The following MYO9B variants were observed in gnomAD, a reference collection of about 807,000 sequenced individuals.
MYO9B encodes the protein myosin IXB, also known as unconventional myosin-IXb.
A neutral mutation model predicts 229.5 loss-of-function variants in MYO9B; 71 were observed. The ratio of observed to expected loss-of-function variants is 0.31; its 90% CI spans 0.26 to 0.38. The LOEUF (loss-of-function observed/expected upper bound fraction) is 0.38, where lower values mean the gene tolerates loss of function less well. MYO9B is among the 10% of genes least tolerant of loss of function. The probability of loss-of-function intolerance (pLI) is 1.00; values close to 1 mark genes in which losing one functional copy is unlikely to be tolerated. For synonymous variants in MYO9B, 1,185 were observed against 1,235.8 expected, an observed-to-expected ratio of 0.96 and a Z score of 0.86; for missense variants, 2,255 against 2,920.5, an observed-to-expected ratio of 0.77 and a Z score of 5.25.
intron 22 of MYO9B, among the ~76,000 whole-genome samples, chr19:17,196,332 G>A (rs1366532253): frequency 6.6e-6 from 1 of 152,030 alleles, no homozygotes; most frequent in Non-Finnish European, 1.5e-5. Context: ...TAGAAGACAG[G>A]TAGTAATGAT....
chr19:17,101,646 G>C lies in MYO9B; in HGVS notation c.-58-14G>C, dbSNP rs2057745444. On this transcript the variant is annotated splice_polypyrimidine_tract_variant and intron_variant, in intron 1 of 39. Coordinates refer to ENST00000682292, the MANE Select transcript of MYO9B (RefSeq NM_004145.4). The surrounding 1 kb of genome is among the most constrained non-coding windows in gnomAD (Gnocchi z 4.7). ...CACCATTCTGACCATGCCTGGCTCT[G>C]ACCTCCCTTCTAGCTCCAGGACACG... 6.8e-7 allele frequency: 1 copy of C among 1,469,820 alleles called. No individual in the cohort carries two copies. The highest frequency in any genetic ancestry group is 9.0e-7 in the Non-Finnish European group (1 of 1,114,414). 91.0% of individuals were successfully genotyped at this position (1,469,820 alleles called of 1,614,324 possible).
At chr19:17,094,605 CTTAA>C (rs1051249758) in intron 1 of MYO9B, among the ~76,000 whole-genome samples, 5 of 152,244 alleles carry the variant, frequency 3.3e-5, no homozygotes, top group Admixed American at 6.5e-5. Flanking sequence ...CTTTTTAAAA[CTTAA>C]TTAAGGAAAA....
intron 26 of MYO9B, 85 bp downstream of exon 26, chr19:17,200,914 C>T (rs2073100099): frequency 2.1e-6 from 3 of 1,450,180 alleles, no homozygotes; most frequent in Non-Finnish European, 1.9e-6. Flanking sequence ...CTGAAACACA[C>T]AACACAGGGT....
chr19:17,148,607 G>A (rs942800063), intron 3 of MYO9B, among the ~76,000 whole-genome samples: 3 of 151,952 alleles, frequency 2.0e-5, no homozygotes, highest in South Asian at 2.1e-4. Flanking sequence ...TTTTGGAGAC[G>A]GAATCTCACC....
chr19:17,122,306 AGG>A (rs934112759), intron 2 of MYO9B, among the ~76,000 whole-genome samples: 2 of 152,122 alleles, frequency 1.3e-5, no homozygotes, highest in African/African-American at 4.8e-5. Context: ...TGGGAGTAAG[AGG>A]GGGGCAGATC....
intron 9 of MYO9B, 43 bp downstream of exon 9, chr19:17,162,509 C>A: frequency 6.7e-7 from 1 of 1,489,094 alleles, no homozygotes; most frequent in Non-Finnish European, 9.1e-7. Flanking sequence ...CCAGGGGAGG[C>A]CACATCCTCA....
intron 1 of MYO9B, among the ~76,000 whole-genome samples, chr19:17,100,071 G>A (rs1179423281): frequency 2.0e-5 from 3 of 150,462 alleles, no homozygotes; most frequent in African/African-American, 4.9e-5. Context: ...GCAGTGAGCC[G>A]ACATCATGCC....
chr19:17,170,779 G>A (rs1374155733), intron 11 of MYO9B, among the ~76,000 whole-genome samples: 1 of 145,210 alleles, frequency 6.9e-6, no homozygotes, highest in East Asian at 2.0e-4. Context: ...AGTTGTGATT[G>A]TACCATTGCA....
intron 1 of MYO9B, among the ~76,000 whole-genome samples, chr19:17,096,799 G>A (rs1281861189): frequency 2.0e-5 from 3 of 147,822 alleles, no homozygotes; most frequent in Non-Finnish European, 3.0e-5. Flanking sequence ...TCCGCCTTCC[G>A]GGTTCACGCC....
chr19:17,137,061 CT>C (rs2072279465), intron 2 of MYO9B, among the ~76,000 whole-genome samples: 1 of 152,106 alleles, frequency 6.6e-6, no homozygotes, highest in African/African-American at 2.4e-5. Context: ...GAAACCCCGT[CT>C]CTACTTAAAA....
chr19:17,151,969 C>T (rs554080270), intron 3 of MYO9B, among the ~76,000 whole-genome samples: 4 of 152,216 alleles, frequency 2.6e-5, no homozygotes, highest in South Asian at 2.1e-4. Flanking sequence ...AGGTAGATCA[C>T]CTGAGGTCAG....
rs1243420774 is a variant in MYO9B at position 17,195,160 on chromosome 19, C to A, written c.3733C>A (p.Pro1245Thr). 1.2e-6 allele frequency: 2 copies of A among 1,611,118 alleles called. No individual in the cohort carries two copies. The highest frequency in any genetic ancestry group is 2.7e-5 in the African/African-American group (2 of 74,846). Residue 1245 changes from proline to threonine, a missense_variant, in exon 22 of 40, where the codon CCT (proline) becomes ACT (threonine). Transcript: ENST00000682292. This position sits in a 1 kb window ranked among gnomAD's most constrained non-coding sequence, Gnocchi z 4.5. ...GACGCTGCCCAGTGGGAGCCCCAGG[C>A]CTGGCCAGTTGGAGCGGCCGACCAG... The part of the protein sequence containing the change: ...EKTLPSGSPR[P>T]GQLERPTSLA...
At chr19:17,111,718 C>A (rs1420917693) in intron 2 of MYO9B, among the ~76,000 whole-genome samples, 11 of 152,174 alleles carry the variant, frequency 7.2e-5, no homozygotes, top group African/African-American at 2.7e-4. Context: ...ACCGTCGCCT[C>A]TATGCAGTTC....
intron 1 of MYO9B, chr19:17,099,297 G>T (rs1017520821): frequency 6.6e-6 from 1 of 151,842 alleles, no homozygotes; most frequent in Non-Finnish European, 1.5e-5. Flanking sequence ...AATGAAGAGG[G>T]TGAATTTTGG....
In MYO9B at chr19:17,172,064, C is replaced by G. The variant is rs368901263; in HGVS notation, c.1794-272C>G. On this transcript the variant is annotated intron_variant, in intron 11 of 39. Transcript: ENST00000682292. This position sits in a 1 kb window ranked among gnomAD's most constrained non-coding sequence, Gnocchi z 8.2. ...GAGCAGAGTCCCAGCCCTCCACCAGCGTGTTCAGCATGAGGCAGGCAGGCA... is the reference window on the plus strand; with the variant it reads ...GAGCAGAGTCCCAGCCCTCCACCAGGGTGTTCAGCATGAGGCAGGCAGGCA... Among the ~76,000 whole-genome samples the G allele has an allele frequency of 1.3e-5, 2 of 152,290 alleles. No homozygotes were observed. The highest frequency in any genetic ancestry group is 4.8e-5 in the African/African-American group (2 of 41,548).
rs77086685 is a variant in MYO9B at position 17,139,360 on chromosome 19, A to G, written c.841-6037A>G. Among the ~76,000 whole-genome samples, 228 of 151,286 alleles carry G rather than the reference A, an allele frequency of 1.5e-3. 1 individual carries two copies. The highest frequency in any genetic ancestry group is 5.1e-3 in the African/African-American group (210 of 41,174). On this transcript the variant is annotated intron_variant, in intron 2 of 39. Transcript: ENST00000682292. ...GCACTTTGCAAGGCCTAGGCAGGAA[A>G]ATCGCTTGAACTCAGGAGGTCGAGG...
intron 11 of MYO9B, 88 bp downstream of exon 11, chr19:17,168,152 C>G: frequency 6.6e-7 from 1 of 1,514,596 alleles, no homozygotes; most frequent in Non-Finnish European, 8.9e-7. Flanking sequence ...ACCCCAAATC[C>G]AGACTTTCCC....
Position 17,211,929 on chromosome 19 carries a change from G to GGCCCCCCCCCCCCCCCC in MYO9B, c.6093_6094insGCCCCCCCCCCCCCCCC (p.Pro2032AlafsTer27). The GGCCCCCCCCCCCCCCCC allele has an allele frequency of 6.4e-7, 1 of 1,552,362 alleles. No homozygotes were observed. ...CGCCTGCTCTCCCTTGCCCCGGCGC[G>GGCCCCCCCCCCCCCCCC]CCCACCCCGAGCCCCCTCCCCACCG... is the stretch of plus-strand genomic sequence containing the variant. On this transcript the variant is annotated frameshift_variant, in exon 40 of 40. Transcript: ENST00000682292. LOFTEE classifies it low-confidence loss of function (END_TRUNC).
At chr19:17,091,360 G>A (rs968521369) in intron 1 of MYO9B, among the ~76,000 whole-genome samples, 3 of 152,156 alleles carry the variant, frequency 2.0e-5, no homozygotes, top group Non-Finnish European at 4.4e-5. Flanking sequence ...CGAGTAGCTG[G>A]GATTATAGAT....
Sources: gnomAD v4.1 joint callset for allele counts (sites outside exome capture counted in the v4.1 genomes callset) on GRCh38, gnomAD v4.1.1 for gene constraint, Gnocchi (gnomAD v3.1) non-coding constraint, MANE v1.5 for transcripts, NCBI Gene and HGNC (gene_info 2026-07-23, HGNC 2026-07-21) for gene names.